MAP3K15: variants seen among roughly 807,000 people sequenced by gnomAD.
MAP3K15 encodes the protein MAPK/ERK kinase kinase 15.
Under a neutral mutation model 99.5 loss-of-function variants are expected in MAP3K15, and 124 were observed. The observed-to-expected ratio is 1.25, with a 90% CI of 1.08 to 1.45. The LOEUF (loss-of-function observed/expected upper bound fraction) is 1.45, where lower values mean the gene tolerates loss of function less well. MAP3K15 is among the 40% of genes most tolerant of loss of function. MAP3K15 has a pLI of 0.00. For synonymous variants in MAP3K15, 494 were observed against 439.6 expected, an observed-to-expected ratio of 1.12 and a Z score of -1.55; for missense variants, 1,242 against 1,079.7, an observed-to-expected ratio of 1.15 and a Z score of -2.11.
chrX:19,448,017 C>A (rs2064013844), intron 6 of MAP3K15, among the ~76,000 whole-genome samples: 3 of 107,518 alleles, frequency 2.8e-5, no homozygotes, highest in Non-Finnish European at 5.9e-5. Flanking sequence ...AACACCCGCT[C>A]TAAGGTGTAG....
chrX:19,469,140 C>T (rs1433354125), intron 3 of MAP3K15, among the ~76,000 whole-genome samples: 1 of 111,538 alleles, frequency 9.0e-6, no homozygotes, highest in African/African-American at 3.3e-5. Context: ...CGCTACCTGA[C>T]TTCAAACTAT....
chrX:19,394,716 A>G (rs1374040577), intron 16 of MAP3K15, among the ~76,000 whole-genome samples: 1 of 105,244 alleles, frequency 9.5e-6, no homozygotes, highest in Non-Finnish European at 1.9e-5. Context: ...AAACTGCATC[A>G]ACAAACCAGA....
At chrX:19,383,993 C>T (rs1035207972) in intron 18 of MAP3K15, among the ~76,000 whole-genome samples, 1 of 111,488 alleles carries the variant, frequency 9.0e-6, no homozygotes, top group Non-Finnish European at 1.9e-5. Flanking sequence ...AGGTATATAC[C>T]CAAAAGAAAG....
chrX:19,478,521 C>G, intron 3 of MAP3K15, among the ~76,000 whole-genome samples: 1 of 108,841 alleles, frequency 9.2e-6, no homozygotes, highest in East Asian at 2.9e-4. Flanking sequence ...TTACCCTGAC[C>G]GAGACCTACA....
chrX:19,372,881 G>A (rs2063386645), intron 21 of MAP3K15, 54 bp from the exon 22 acceptor site: 15 of 1,136,559 alleles, frequency 1.3e-5, no homozygotes, highest in Middle Eastern at 2.4e-4. Flanking sequence ...CTGTCCCTGG[G>A]AGTGTGTCAT....
chrX:19,442,311 T>C (rs1369564777), intron 6 of MAP3K15, among the ~76,000 whole-genome samples: 1 of 111,819 alleles, frequency 8.9e-6, no homozygotes, highest in Non-Finnish European at 1.9e-5. Context: ...ATTATGTTTT[T>C]ATATTTTTCT....
intron 6 of MAP3K15, among the ~76,000 whole-genome samples, chrX:19,453,236 C>T (rs947148019): frequency 9.0e-6 from 1 of 111,165 alleles, no homozygotes; most frequent in Admixed American, 9.6e-5. Context: ...CACAGTGGCT[C>T]ATGTCTGTAA....
At chrX:19,507,067 T>TA (rs1374266817) in intron 1 of MAP3K15, among the ~76,000 whole-genome samples, 4 of 112,038 alleles carry the variant, frequency 3.6e-5, no homozygotes, top group African/African-American at 1.3e-4. Flanking sequence ...TCTTGCCATT[T>TA]AAGCAGTTAA....
intron 13 of MAP3K15, among the ~76,000 whole-genome samples, chrX:19,404,243 A>T (rs187410221): frequency 2.7e-5 from 3 of 112,255 alleles, no homozygotes; most frequent in African/African-American, 6.5e-5. Flanking sequence ...AAGTGAAATT[A>T]AAAAAACTCC....
chrX:19,484,320 G>C (rs909307837), intron 3 of MAP3K15, among the ~76,000 whole-genome samples: 3 of 111,514 alleles, frequency 2.7e-5, no homozygotes, highest in African/African-American at 9.8e-5. Context: ...TGCTCCTTAC[G>C]AGAATCTAAT....
chrX:19,485,852 G>A (rs964252344), intron 3 of MAP3K15, among the ~76,000 whole-genome samples: 2 of 111,178 alleles, frequency 1.8e-5, no homozygotes, highest in African/African-American at 3.3e-5. Context: ...GCACTCAAGG[G>A]TACAGGATAA....
intron 6 of MAP3K15, among the ~76,000 whole-genome samples, chrX:19,434,530 G>A (rs928833916): frequency 2.7e-5 from 3 of 110,644 alleles, no homozygotes; most frequent in African/African-American, 6.6e-5. Context: ...GAGCCACTGC[G>A]CCCGGCCACA....
intron 18 of MAP3K15, among the ~76,000 whole-genome samples, chrX:19,387,425 C>T (rs187084734): frequency 5.2e-4 from 58 of 112,017 alleles, no homozygotes; most frequent in African/African-American, 1.9e-3. Flanking sequence ...CTCATTCTGT[C>T]GCCCAGGCTG....
At chrX:19,491,031 T>C (rs939065335) in intron 1 of MAP3K15, among the ~76,000 whole-genome samples, 18 of 111,080 alleles carry the variant, frequency 1.6e-4, no homozygotes, top group African/African-American at 5.2e-4. Context: ...AAAATCCCGA[T>C]GGGACACAAC....
At chrX:19,445,940 T>C (rs772805288) in intron 6 of MAP3K15, among the ~76,000 whole-genome samples, 115 of 44,196 alleles carry the variant, frequency 2.6e-3, no homozygotes, top group African/African-American at 7.5e-3. Flanking sequence ...AGAGCGAAAC[T>C]CCATCTCAAA....
At chrX:19,436,250 T>C (rs2063921319) in intron 6 of MAP3K15, among the ~76,000 whole-genome samples, 2 of 111,307 alleles carry the variant, frequency 1.8e-5, no homozygotes, top group Admixed American at 9.5e-5. Context: ...CTTCTCATGC[T>C]GGACTTTCTG....
chrX:19,495,342 C>G (rs2064393561), intron 1 of MAP3K15, among the ~76,000 whole-genome samples: 1 of 111,591 alleles, frequency 9.0e-6, no homozygotes, highest in Non-Finnish European at 1.9e-5. Flanking sequence ...ATTTTCCAAT[C>G]TCATAAGAAG....
At chrX:19,482,150 A>C (rs1169283512) in intron 3 of MAP3K15, 1 of 98,564 alleles carries the variant, frequency 1.0e-5, no homozygotes, top group Non-Finnish European at 2.0e-5. Context: ...ATTGCACTCC[A>C]GCCTGGGCGA....
rs779722514 is a variant in MAP3K15 at position 19,360,064 on chromosome X, G to GAT, written c.*683_*684dup. On this transcript the variant is annotated 3_prime_UTR_variant, in exon 29 of 29. Transcript: ENST00000338883. ...GTTCGCGCTGACCATTTCTCTACAA[G>GAT]ATACAATATTTATTATCAGGCAAGA... 5 of 189,347 alleles carry GAT rather than the reference G, an allele frequency of 2.6e-5. No homozygotes were observed. The highest frequency in any genetic ancestry group is 6.1e-5 in the African/African-American group (2 of 32,632). The allele number at this position is 189,347 out of a possible 1,213,427, so 15.6% of individuals were successfully genotyped here. A position where few individuals can be genotyped will look rare whatever the true frequency, so the allele number is the denominator to read the frequency against.
Sources: gnomAD v4.1 joint callset for allele counts (sites outside exome capture counted in the v4.1 genomes callset) on GRCh38, gnomAD v4.1.1 for gene constraint, MANE v1.5 for transcripts, NCBI Gene and HGNC (gene_info 2026-07-23, HGNC 2026-07-21) for gene names.